The following DOCK3 variants were observed in gnomAD, a reference collection of about 807,000 sequenced individuals.
The protein encoded by DOCK3 is dedicator of cytokinesis 3, also known as dedicator of cytokinesis protein 3.
In DOCK3, 60 loss-of-function variants were observed where a neutral mutation model predicts 265.6. That is an observed-to-expected ratio of 0.23 (90% CI 0.18 to 0.28). DOCK3 has a LOEUF of 0.28. DOCK3 is among the 10% of genes least tolerant of loss of function. The pLI is 1.00. For missense variants in DOCK3, 1,981 were observed against 2,594.3 expected (o/e 0.76, Z 5.14); for synonymous variants, 881 against 938.0 (o/e 0.94, Z 1.11).
chr3:51,186,756 G>A (rs556579659), intron 12 of DOCK3, among the ~76,000 whole-genome samples: 24 of 152,324 alleles, frequency 1.6e-4, no homozygotes, highest in Non-Finnish European at 2.8e-4. Flanking sequence ...ACCTTGGGCC[G>A]TGGCTTCAAA....
At chr3:51,044,893 G>C (rs1016153169) in intron 5 of DOCK3, among the ~76,000 whole-genome samples, 3 of 152,130 alleles carry the variant, frequency 2.0e-5, no homozygotes, top group Non-Finnish European at 4.4e-5. Flanking sequence ...TTAGTGCCTT[G>C]TGCTAGATTT....
chr3:51,045,719 AC>A (rs1194971868), intron 5 of DOCK3, among the ~76,000 whole-genome samples: 1 of 152,176 alleles, frequency 6.6e-6, no homozygotes, highest in Admixed American at 6.6e-5. Flanking sequence ...AGGATATCAT[AC>A]TTTTGTTTGT....
chr3:51,109,705 G>T (rs1027834340), intron 9 of DOCK3, among the ~76,000 whole-genome samples: 11 of 152,030 alleles, frequency 7.2e-5, no homozygotes, highest in Non-Finnish European at 1.5e-4. Context: ...CAGAGGTCCA[G>T]GTGGACCACT....
chr3:51,064,729 A>G (rs956767274), intron 6 of DOCK3, 133 bp downstream of exon 6: 109 of 1,215,164 alleles, frequency 9.0e-5, no homozygotes, highest in Non-Finnish European at 1.2e-4. Context: ...AGCTTTCATC[A>G]TTTTTGCTAG....
At chr3:50,817,693 TA>T (rs2044169956) in intron 2 of DOCK3, among the ~76,000 whole-genome samples, 1 of 150,628 alleles carries the variant, frequency 6.6e-6, no homozygotes, top group Admixed American at 7.0e-5. Context: ...TCTTTGGGGC[TA>T]TTTTTTTTTT....
rs773945459 is a variant in DOCK3, at chr3:51,228,797, C to T, written c.1784C>T (p.Ser595Phe). 3 of 1,614,022 alleles carry T rather than the reference C, an allele frequency of 1.9e-6. No homozygotes were observed. The highest frequency in any genetic ancestry group is 2.5e-6 in the Non-Finnish European group (3 of 1,179,874). The change falls in exon 18 of 53, where the codon TCC becomes TTC. Residue 595 changes from serine (S) to phenylalanine (F), a missense_variant. By Grantham distance (155) the Ser-to-Phe change is radical. Coordinates refer to ENST00000266037, the MANE Select transcript of DOCK3 (RefSeq NM_004947.5). ...AGCACCAAAGAGTCTTTCTTCATCT[C>T]CACTCAGCTCTCCTCTACCAAACTC... is the stretch of plus-strand genomic sequence containing the variant. ...QRSTKESFFI[S>F]TQLSSTKLTQ...
intron 34 of DOCK3, 52 bp from the exon 35 acceptor site, chr3:51,333,106 C>T: frequency 6.2e-7 from 1 of 1,613,808 alleles, no homozygotes; most frequent in Admixed American, 1.7e-5. Flanking sequence ...ACTCTTGTGC[C>T]CAGGAGAAGG....
chr3:51,141,965 GT>G (rs539685323), intron 9 of DOCK3, among the ~76,000 whole-genome samples: 3,871 of 138,480 alleles, frequency 0.028, 136 homozygotes, highest in African/African-American at 0.083. Flanking sequence ...TTTGGAAGTG[GT>G]TTTTTTTTTT....
intron 12 of DOCK3, among the ~76,000 whole-genome samples, chr3:51,200,256 C>A (rs897998239): frequency 1.3e-5 from 2 of 151,494 alleles, no homozygotes; most frequent in Admixed American, 1.3e-4. Flanking sequence ...GAAATTCAAA[C>A]CAAAGGCAAA....
intron 7 of DOCK3, 62 bp from the exon 8 acceptor site, chr3:51,089,181 G>C (rs999291924): frequency 6.5e-7 from 1 of 1,536,198 alleles, no homozygotes; most frequent in Non-Finnish European, 8.8e-7. Context: ...CATATAGAAA[G>C]TTCTTAATAA....
chr3:50,850,587 G>A (rs1441388921), intron 3 of DOCK3, among the ~76,000 whole-genome samples: 3 of 152,070 alleles, frequency 2.0e-5, no homozygotes, highest in South Asian at 2.1e-4. Flanking sequence ...TTCTTGCCCT[G>A]GTTCTTTCTC....
At chr3:50,981,930 A>G (rs926863546) in intron 5 of DOCK3, among the ~76,000 whole-genome samples, 6 of 152,048 alleles carry the variant, frequency 3.9e-5, no homozygotes, top group African/African-American at 1.2e-4. Flanking sequence ...GCTCACTGCA[A>G]CCTCTGCCTT....
At chr3:51,117,219 A>G (rs903677098) in intron 9 of DOCK3, among the ~76,000 whole-genome samples, 1 of 152,184 alleles carries the variant, frequency 6.6e-6, no homozygotes, top group South Asian at 2.1e-4. Flanking sequence ...TATTTAGATA[A>G]TCATGTGGTT....
At chr3:51,116,472 AGG>A (rs1553763621) in intron 9 of DOCK3, among the ~76,000 whole-genome samples, 2 of 145,056 alleles carry the variant, frequency 1.4e-5, no homozygotes, top group Non-Finnish European at 3.0e-5. Context: ...AAAAAAAAAA[AGG>A]GTAGTTTTTT....
rs771173007 is a variant in DOCK3 at position 51,380,150 on chromosome 3, C to T, written c.5526C>T (p.Ala1842=). 30 of 1,613,652 alleles carry T rather than the reference C, an allele frequency of 1.9e-5. No individual in the cohort carries two copies. Among genetic ancestry groups the T allele is most frequent in the Non-Finnish European group, 2.5e-5 (29 of 1,179,778 alleles). ...EKGHYSLHFD[A]FHHPLGDTPP... ...GTCATTACTCCCTACACTTTGACGCCTTCCACCACCCTCTGGGTGATACCC... is the reference window on the plus strand; with the variant it reads ...GTCATTACTCCCTACACTTTGACGCTTTCCACCACCCTCTGGGTGATACCC... The change falls in exon 52 of 53, where the codon GCC becomes GCT. Residue 1842 remains alanine (A), a synonymous_variant. Transcript: ENST00000266037.
chr3:50,732,567 G>C (rs2038291222), intron 1 of DOCK3, among the ~76,000 whole-genome samples: 1 of 152,096 alleles, frequency 6.6e-6, no homozygotes, highest in Non-Finnish European at 1.5e-5. Flanking sequence ...ATCATGCCTG[G>C]CTGATATTTT....
intron 5 of DOCK3, among the ~76,000 whole-genome samples, chr3:51,059,144 G>C (rs2081309477): frequency 6.6e-6 from 1 of 152,076 alleles, no homozygotes; most frequent in South Asian, 2.1e-4. Flanking sequence ...TGAGTACCCA[G>C]TGTTTAGCTC....
At chr3:51,266,823 A>G (rs1185523149) in intron 23 of DOCK3, among the ~76,000 whole-genome samples, 4 of 152,232 alleles carry the variant, frequency 2.6e-5, no homozygotes, top group African/African-American at 9.6e-5. Flanking sequence ...CAAAATTGAC[A>G]AATGGAATCT....
intron 5 of DOCK3, among the ~76,000 whole-genome samples, chr3:51,041,945 G>A (rs963585647): frequency 5.9e-5 from 9 of 151,932 alleles, no homozygotes; most frequent in Admixed American, 2.0e-4. Context: ...ATCAGGCACT[G>A]ACTTCTCCCT....
Sources: allele counts gnomAD v4.1 joint callset (sites outside exome capture counted in the v4.1 genomes callset), GRCh38; gene constraint gnomAD v4.1.1; transcripts MANE v1.5; gene names NCBI Gene and HGNC (gene_info 2026-07-23, HGNC 2026-07-21).